The following PCDHA6 variants were observed in gnomAD, a reference collection of about 807,000 sequenced individuals.
The protein encoded by PCDHA6 is protocadherin alpha-6.
PCDHA6 carries 55 observed loss-of-function variants against 60.3 expected under a neutral mutation model. That is an observed-to-expected ratio of 0.91 (90% CI 0.73 to 1.14). The LOEUF is 1.14. PCDHA6 is among the 50% of genes most tolerant of loss of function. The probability of loss-of-function intolerance (pLI) is 0.00; values close to 1 mark genes in which losing one functional copy is unlikely to be tolerated. For missense variants in PCDHA6, 1,327 were observed against 1,256.5 expected (o/e 1.06, Z -0.85); for synonymous variants, 652 against 557.9 (o/e 1.17, Z -2.38).
At position 140,878,341 on chromosome 5, in the gene PCDHA6, A is replaced by G. The variant is rs980108622; in HGVS notation, c.2394+47856A>G. Reference sequence around the variant, plus strand: ...TTCACATTATATTCCAGGTATTATCACAATAATATAAATGATATGTCTGAC... The same window carrying G: ...TTCACATTATATTCCAGGTATTATCGCAATAATATAAATGATATGTCTGAC... On this transcript the variant is annotated intron_variant, in intron 1 of 3. Coordinates refer to ENST00000529310, the MANE Select transcript of PCDHA6 (RefSeq NM_018909.4). Among the ~76,000 whole-genome samples the G allele has an allele frequency of 2.0e-5, 3 of 152,350 alleles. No homozygotes were observed. In the East Asian group the frequency reaches 5.8e-4, roughly 29 times the overall value.
chr5:140,934,569 A>AT (rs1286294364), intron 1 of PCDHA6, among the ~76,000 whole-genome samples: 1 of 152,044 alleles, frequency 6.6e-6, no homozygotes, highest in Admixed American at 6.6e-5. Context: ...TTTTTAATTA[A>AT]TTGTAACATT....
chr5:140,869,056 GTAC>G, intron 1 of PCDHA6: 2 of 1,549,424 alleles, frequency 1.3e-6, no homozygotes, highest in Non-Finnish European at 1.7e-6. Flanking sequence ...GAAGAATCTG[GTAC>G]TGTAAGTGTA....
chr5:140,897,227 C>T (rs1554187259), intron 1 of PCDHA6, among the ~76,000 whole-genome samples: 1 of 152,036 alleles, frequency 6.6e-6, no homozygotes, highest in Non-Finnish European at 1.5e-5. Flanking sequence ...TACATGTGCA[C>T]AATGTGCAGG....
chr5:140,925,061 C>T (rs968376229), intron 1 of PCDHA6, among the ~76,000 whole-genome samples: 2 of 147,510 alleles, frequency 1.4e-5, no homozygotes, highest in Non-Finnish European at 3.0e-5. Context: ...GACTGGGCAA[C>T]AAAGCAACAC....
At chr5:140,963,517 T>C (rs2095769422) in intron 1 of PCDHA6, among the ~76,000 whole-genome samples, 1 of 152,238 alleles carries the variant, frequency 6.6e-6, no homozygotes, top group East Asian at 1.9e-4. Flanking sequence ...GGGGTTCTCA[T>C]AACAGAAGTC....
At chr5:140,882,749 G>C (rs1393099675) in intron 1 of PCDHA6, 1 of 1,614,126 alleles carries the variant, frequency 6.2e-7, no homozygotes, top group Non-Finnish European at 8.5e-7. Flanking sequence ...ATCCGATGCA[G>C]ATATTGGAGT....
At chr5:140,886,916 G>A (rs1170747823) in intron 1 of PCDHA6, among the ~76,000 whole-genome samples, 1 of 151,436 alleles carries the variant, frequency 6.6e-6, no homozygotes, top group Non-Finnish European at 1.5e-5. Flanking sequence ...CTTATTGAGT[G>A]TTCTCTATGT....
rs189730532 is a variant in PCDHA6, at chr5:140,870,328, G to T, written c.2394+39843G>T. 1.5e-5 allele frequency: 24 copies of T among 1,614,208 alleles called. 2 individuals carry two copies. In the East Asian group the frequency reaches 4.7e-4, roughly 31 times the overall value. Reference sequence around the variant, plus strand: ...CAAGAATTACTACTCGTTGGTGCTGGACAGCGCCCTGGACCGCGAGAACGT... The same window carrying T: ...CAAGAATTACTACTCGTTGGTGCTGTACAGCGCCCTGGACCGCGAGAACGT... On this transcript the variant is annotated intron_variant, in intron 1 of 3. Transcript: ENST00000529310.
At chr5:140,960,742 T>C (rs1336861398) in intron 1 of PCDHA6, among the ~76,000 whole-genome samples, 1 of 151,530 alleles carries the variant, frequency 6.6e-6, no homozygotes, top group Non-Finnish European at 1.5e-5. Flanking sequence ...TTTTAGTCCA[T>C]GGCTAAAATC....
chr5:140,866,263 T>G (rs1051175533), intron 1 of PCDHA6: 1 of 152,174 alleles, frequency 6.6e-6, no homozygotes, highest in Non-Finnish European at 1.5e-5. Context: ...CTTTCTTTAC[T>G]GTGAATAAAG....
intron 3 of PCDHA6, among the ~76,000 whole-genome samples, chr5:140,997,668 T>G (rs2097778117): frequency 6.7e-6 from 1 of 148,344 alleles, no homozygotes; most frequent in African/African-American, 2.5e-5. Flanking sequence ...ATTATACAGC[T>G]TGTGTGTGTG....
chr5:140,941,597 G>T (rs2093124922), intron 1 of PCDHA6, among the ~76,000 whole-genome samples: 1 of 152,032 alleles, frequency 6.6e-6, no homozygotes, highest in Middle Eastern at 3.4e-3. Context: ...TTACAGCCAT[G>T]AGCCATGGTG....
chr5:140,843,338 G>T (rs2150357785), intron 1 of PCDHA6: 1 of 1,596,002 alleles, frequency 6.3e-7, no homozygotes, highest in Non-Finnish European at 8.6e-7. Flanking sequence ...GGTGGAGAGC[G>T]GCCAGGCTCC....
In PCDHA6 at chr5:140,850,283, A is replaced by C. The variant is rs143335350; in HGVS notation, c.2394+19798A>C. The C allele has an allele frequency of 4.9e-5, 78 of 1,595,592 alleles. 6 individuals carry two copies. In the African/African-American group the frequency reaches 9.3e-4, roughly 19 times the overall value. On this transcript the variant is annotated intron_variant, in intron 1 of 3. Coordinates refer to ENST00000529310, the MANE Select transcript of PCDHA6 (RefSeq NM_018909.4). ...GCGTAGTGGTGGGGAAGGTGCGCGC[A>C]GTGGACGCCGACTCGGGCTACAACG...
chr5:140,848,600 C>T lies in PCDHA6; in HGVS notation c.2394+18115C>T, dbSNP rs2150414065. On this transcript the variant is annotated intron_variant, in intron 1 of 3. Coordinates refer to ENST00000529310, the MANE Select transcript of PCDHA6 (RefSeq NM_018909.4). ...GGAGCGGCCAGCTCCACTACTCCGT[C>T]CCGGAGGAAGCCGAACACGGCACCT... 7 of 1,593,634 alleles carry T rather than the reference C, an allele frequency of 4.4e-6. No homozygotes were observed. The African/African-American group carries it at 8.1e-5, about 18-fold the overall frequency.
At chr5:140,859,812 C>T (rs1238470034) in intron 1 of PCDHA6, 3 of 152,286 alleles carry the variant, frequency 2.0e-5, no homozygotes, top group African/African-American at 7.3e-5. Flanking sequence ...TAAGTTAATG[C>T]AGAGTTTAGA....
At chr5:140,912,170 T>C (rs961907962) in intron 1 of PCDHA6, among the ~76,000 whole-genome samples, 6 of 152,202 alleles carry the variant, frequency 3.9e-5, no homozygotes, top group African/African-American at 9.7e-5. Flanking sequence ...CTGGCTGTGC[T>C]GGCAGCTGAT....
intron 3 of PCDHA6, among the ~76,000 whole-genome samples, chr5:140,990,610 C>T (rs781969043): frequency 4.6e-5 from 7 of 152,080 alleles, no homozygotes; most frequent in African/African-American, 9.7e-5. Flanking sequence ...AGATGAATAC[C>T]GTAAAGGTCT....
At chr5:140,886,364 C>T (rs2060956289) in intron 1 of PCDHA6, among the ~76,000 whole-genome samples, 1 of 152,082 alleles carries the variant, frequency 6.6e-6, no homozygotes. Context: ...CATAGGTGTA[C>T]ATGCCATGGT....
Sources: gnomAD v4.1 joint callset for allele counts (sites outside exome capture counted in the v4.1 genomes callset) on GRCh38, gnomAD v4.1.1 for gene constraint, MANE v1.5 for transcripts, NCBI Gene and HGNC (gene_info 2026-07-23, HGNC 2026-07-21) for gene names.